The following CECR2 variants were observed in gnomAD, a reference collection of about 807,000 sequenced individuals.
CECR2 encodes CECR2 histone acetyl-lysine reader, also known as chromatin remodeling regulator CECR2.
In CECR2, 30 loss-of-function variants were observed where a neutral mutation model predicts 154.5. The observed-to-expected ratio is 0.19, with a 90% confidence interval of 0.15 to 0.26. CECR2 has a LOEUF of 0.26. CECR2 is among the 10% of genes least tolerant of loss of function. The pLI is 1.00. For synonymous variants in CECR2, 725 were observed against 683.7 expected (o/e 1.06, Z -0.94); for missense variants, 1,743 against 1,829.3 (o/e 0.95, Z 0.86).
At chr22:17,491,170 T>C (rs2055522687) in intron 2 of CECR2, among the ~76,000 whole-genome samples, 1 of 152,230 alleles carries the variant, frequency 6.6e-6, no homozygotes, top group South Asian at 2.1e-4. Context: ...TCTGCCGCTT[T>C]GAACATTTGT....
intron 8 of CECR2, among the ~76,000 whole-genome samples, chr22:17,516,551 C>T (rs1203506041): frequency 6.6e-6 from 1 of 152,030 alleles, no homozygotes; most frequent in East Asian, 1.9e-4. Flanking sequence ...ATGGACTTCC[C>T]CCTTGCTGTT....
chr22:17,465,019 C>T (rs1303715325), intron 1 of CECR2, among the ~76,000 whole-genome samples: 29 of 128,406 alleles, frequency 2.3e-4, no homozygotes, highest in East Asian at 9.8e-4. Context: ...TTTTTTGAGA[C>T]GAAGTCTCGC....
chr22:17,408,095 G>A (rs190045005), intron 1 of CECR2, among the ~76,000 whole-genome samples: 1 of 152,170 alleles, frequency 6.6e-6, no homozygotes, highest in Non-Finnish European at 1.5e-5. Context: ...ATTTTAAAGT[G>A]TATGATTCAG....
intron 1 of CECR2, among the ~76,000 whole-genome samples, chr22:17,362,824 C>T (rs142811662): frequency 0.011 from 1,659 of 147,744 alleles, 37 homozygotes; most frequent in African/African-American, 0.04. Context: ...ATTGCTTGAA[C>T]CTGGGAGGCA....
chr22:17,386,055 C>T (rs1192658960), intron 1 of CECR2, among the ~76,000 whole-genome samples: 1 of 152,156 alleles, frequency 6.6e-6, no homozygotes, highest in Non-Finnish European at 1.5e-5. Context: ...GCAGGCCAGG[C>T]AGCCCCATGG....
chr22:17,399,068 T>G (rs2053854441), intron 1 of CECR2, among the ~76,000 whole-genome samples: 1 of 152,160 alleles, frequency 6.6e-6, no homozygotes, highest in Non-Finnish European at 1.5e-5. Flanking sequence ...TTGAGCAAGG[T>G]TCCCAGGTGA....
At chr22:17,371,813 C>G (rs1025304293) in intron 1 of CECR2, among the ~76,000 whole-genome samples, 2 of 152,164 alleles carry the variant, frequency 1.3e-5, no homozygotes, top group Non-Finnish European at 2.9e-5. Context: ...TCCATGTATT[C>G]CCATTTTGTT....
Position 17,541,845 on chromosome 22 carries a change from G to A in CECR2, c.1891G>A (p.Ala631Thr). Reference sequence around the variant, plus strand: ...TTTGTTCAATGTGCTGCAGAGGCCAGCAGTACCAGGAACATTTGGCCCTCT... The same window carrying A: ...TTTGTTCAATGTGCTGCAGAGGCCAACAGTACCAGGAACATTTGGCCCTCT... The part of the protein sequence containing the change: ...QAPFLNQMRP[A>T]VPGTFGPLRG... Residue 631 changes from alanine to threonine, a missense_variant, in exon 15 of 19, where the codon GCA (alanine) becomes ACA (threonine). By Grantham distance (58) the Ala-to-Thr change is moderately conservative. Coordinates refer to ENST00000262608, the MANE Select transcript of CECR2 (RefSeq NM_001290047.2). 2 of 1,613,126 alleles carry A rather than the reference G, an allele frequency of 1.2e-6. No individual in the cohort carries two copies. The highest frequency in any genetic ancestry group is 4.5e-5 in the East Asian group (2 of 44,868).
intron 1 of CECR2, among the ~76,000 whole-genome samples, chr22:17,423,378 A>C (rs568009407): frequency 4.3e-4 from 66 of 152,176 alleles, no homozygotes; most frequent in African/African-American, 1.6e-3. Flanking sequence ...GTGGTGGCAC[A>C]CGCCTATAGT....
At chr22:17,514,651 AAGTG>A (rs1377025221) in intron 8 of CECR2, among the ~76,000 whole-genome samples, 2 of 152,168 alleles carry the variant, frequency 1.3e-5, no homozygotes, top group African/African-American at 4.8e-5. Context: ...ACACTACAAA[AAGTG>A]AGTCCTGTTT....
chr22:17,481,888 G>A lies in CECR2; in HGVS notation c.221+4206G>A, dbSNP rs148630527. Among the ~76,000 whole-genome samples, 1,253 of 148,900 alleles carry A rather than the reference G, an allele frequency of 8.4e-3. 11 individuals are homozygous for A. Among genetic ancestry groups the A allele is most frequent in the African/African-American group, 0.029 (1,181 of 40,384 alleles). ...TCCTAGCACTTTGGGAGGCCGAGGC[G>A]GGCGGATCACCAGGTCAGGAGATCA... On this transcript the variant is annotated intron_variant, in intron 2 of 18. Transcript: ENST00000262608.
At chr22:17,435,696 A>C (rs960876773) in intron 1 of CECR2, among the ~76,000 whole-genome samples, 18 of 142,572 alleles carry the variant, frequency 1.3e-4, no homozygotes, top group Non-Finnish European at 2.9e-4. Context: ...AAAAAAAAAA[A>C]AAAAAAAAAA....
At chr22:17,453,423 C>G (rs945681171) in intron 1 of CECR2, among the ~76,000 whole-genome samples, 1 of 152,060 alleles carries the variant, frequency 6.6e-6, no homozygotes, top group Non-Finnish European at 1.5e-5. Context: ...GCCTGGGCAA[C>G]AAGAGCGAAA....
At position 17,553,101 on chromosome 22, in the gene CECR2, G is replaced by A. The variant is rs547492739; in HGVS notation, c.*261G>A. ...AGACAGTCAGGCAAAACTAATGAAC[G>A]TGGAGTTAATGATGACTTTTCCAAA... On this transcript the variant is annotated 3_prime_UTR_variant, in exon 19 of 19. Transcript: ENST00000262608. 8 of 636,600 alleles carry A rather than the reference G, an allele frequency of 1.3e-5. No homozygotes were observed. Among genetic ancestry groups the A allele is most frequent in the South Asian group, 1.2e-4 (2 of 16,246 alleles). 39.4% of individuals were successfully genotyped at this position (636,600 alleles called of 1,614,324 possible). A position where few individuals can be genotyped will look rare whatever the true frequency, so the allele number is the denominator to read the frequency against.
intron 1 of CECR2, among the ~76,000 whole-genome samples, chr22:17,360,347 G>A (rs1281355450): frequency 1.3e-5 from 2 of 152,190 alleles, no homozygotes; most frequent in Admixed American, 6.6e-5. Context: ...CTGTACTCCA[G>A]CTTGTACAAC....
At chr22:17,386,122 G>A (rs578255974) in intron 1 of CECR2, among the ~76,000 whole-genome samples, 37 of 152,296 alleles carry the variant, frequency 2.4e-4, no homozygotes, top group African/African-American at 7.9e-4. Flanking sequence ...GACAGACTCC[G>A]CAGCGACAAG....
In CECR2 at chr22:17,428,089, A is replaced by G. The variant is rs148646426; in HGVS notation, c.127-49499A>G. ...TCTCTGATGACCAGTGATGAAGAGC[A>G]TGTTTTCATGTGTCTGTAGGCTGCA... On this transcript the variant is annotated intron_variant, in intron 1 of 18. Transcript: ENST00000262608. Among the ~76,000 whole-genome samples the G allele has an allele frequency of 2.8e-3, 426 of 152,310 alleles. 2 individuals are homozygous for G. The highest frequency in any genetic ancestry group is 4.9e-3 in the Non-Finnish European group (334 of 68,040).
intron 1 of CECR2, among the ~76,000 whole-genome samples, chr22:17,446,824 GTT>G (rs1204059780): frequency 6.6e-6 from 1 of 152,100 alleles, no homozygotes; most frequent in Non-Finnish European, 1.5e-5. Flanking sequence ...ATGCGAGCAG[GTT>G]GCCGCTGTGA....
intron 1 of CECR2, among the ~76,000 whole-genome samples, chr22:17,382,154 T>C (rs903414954): frequency 2.0e-5 from 3 of 151,646 alleles, no homozygotes; most frequent in East Asian, 1.9e-4. Context: ...CCTCCCAAAG[T>C]GCTGGGATTA....
Sources: gnomAD v4.1 joint callset for allele counts (sites outside exome capture counted in the v4.1 genomes callset) on GRCh38, gnomAD v4.1.1 for gene constraint, MANE v1.5 for transcripts, NCBI Gene and HGNC (gene_info 2026-07-23, HGNC 2026-07-21) for gene names.